Variants in LRRTM4 observed in about 807,000 individuals in gnomAD.
LRRTM4 encodes the protein leucine rich repeat transmembrane neuronal 4.
Under a neutral mutation model 47.6 loss-of-function variants are expected in LRRTM4, and 25 were observed. The ratio of observed to expected loss-of-function variants is 0.53; its 90% CI spans 0.38 to 0.73. The LOEUF (loss-of-function observed/expected upper bound fraction) is 0.73. LRRTM4 is among the 30% of genes least tolerant of loss of function. LRRTM4 has a pLI of 0.00. For synonymous variants in LRRTM4, 311 were observed against 269.5 expected, an observed-to-expected ratio of 1.15 and a Z score of -1.51; for missense variants, 638 against 713.4, an observed-to-expected ratio of 0.89 and a Z score of 1.20.
chr2:77,050,250 C>G (rs1197662201), intron 3 of LRRTM4, among the ~76,000 whole-genome samples: 1 of 151,044 alleles, frequency 6.6e-6, no homozygotes, highest in Non-Finnish European at 1.5e-5. Flanking sequence ...GATCCTTAAC[C>G]TCATATTCCT....
intron 3 of LRRTM4, among the ~76,000 whole-genome samples, chr2:77,067,706 C>CACAA: frequency 6.6e-6 from 1 of 151,596 alleles, no homozygotes; most frequent in East Asian, 1.9e-4. Context: ...CACACACACA[C>CACAA]ACACACACAC....
chr2:76,850,440 A>C (rs1020107957), intron 3 of LRRTM4, among the ~76,000 whole-genome samples: 1 of 152,194 alleles, frequency 6.6e-6, no homozygotes, highest in Non-Finnish European at 1.5e-5. Context: ...CAATTCAGTG[A>C]TGTTGAACAA....
intron 3 of LRRTM4, among the ~76,000 whole-genome samples, chr2:76,798,628 C>A (rs1455392605): frequency 1.3e-5 from 2 of 150,742 alleles, no homozygotes; most frequent in East Asian, 1.9e-4. Flanking sequence ...AATAGAGACA[C>A]AAAAAACCCT....
intron 3 of LRRTM4, among the ~76,000 whole-genome samples, chr2:76,848,756 T>A (rs1176927631): frequency 1.3e-5 from 2 of 152,160 alleles, no homozygotes; most frequent in African/African-American, 2.4e-5. Context: ...TTTCTCTGAT[T>A]AACAAATATT....
At chr2:76,957,002 G>T (rs139933314) in intron 3 of LRRTM4, among the ~76,000 whole-genome samples, 1 of 151,616 alleles carries the variant, frequency 6.6e-6, no homozygotes, top group Non-Finnish European at 1.5e-5. Flanking sequence ...ATAAACAAGA[G>T]TTAGAAACAA....
At chr2:77,058,567 C>G (rs1679684001) in intron 3 of LRRTM4, among the ~76,000 whole-genome samples, 1 of 151,862 alleles carries the variant, frequency 6.6e-6, no homozygotes, top group African/African-American at 2.4e-5. Flanking sequence ...ATTTATTCCT[C>G]TGTCCCCTTA....
intron 3 of LRRTM4, among the ~76,000 whole-genome samples, chr2:77,243,527 G>A (rs1039001019): frequency 7.4e-5 from 11 of 149,066 alleles, no homozygotes; most frequent in African/African-American, 2.0e-4. Flanking sequence ...GGTGGTTTCC[G>A]GCATCTGGGG....
chr2:77,097,174 G>A, intron 3 of LRRTM4, among the ~76,000 whole-genome samples: 1 of 151,690 alleles, frequency 6.6e-6, no homozygotes, highest in East Asian at 1.9e-4. Flanking sequence ...AATGACACCT[G>A]GAAGATATTG....
chr2:77,377,708 C>G (rs990792931), intron 3 of LRRTM4, among the ~76,000 whole-genome samples: 2 of 151,886 alleles, frequency 1.3e-5, no homozygotes, highest in Non-Finnish European at 2.9e-5. Context: ...TTATAAAATC[C>G]TTTTCTGAAT....
At chr2:77,505,371 A>G (rs1678728006) in intron 3 of LRRTM4, among the ~76,000 whole-genome samples, 1 of 151,470 alleles carries the variant, frequency 6.6e-6, no homozygotes, top group Non-Finnish European at 1.5e-5. Context: ...GTGATAAATA[A>G]GATTTTGCTA....
chr2:77,042,480 A>T (rs1167185980), intron 3 of LRRTM4, among the ~76,000 whole-genome samples: 1 of 151,700 alleles, frequency 6.6e-6, no homozygotes, highest in Non-Finnish European at 1.5e-5. Flanking sequence ...TATGAAACAT[A>T]GTATCTACTT....
intron 3 of LRRTM4, among the ~76,000 whole-genome samples, chr2:77,065,159 C>T (rs1405082110): frequency 6.6e-6 from 1 of 152,092 alleles, no homozygotes; most frequent in Non-Finnish European, 1.5e-5. Flanking sequence ...AAAATCCTTT[C>T]AAGGATTACT....
chr2:77,185,031 A>G (rs1673462248), intron 3 of LRRTM4, among the ~76,000 whole-genome samples: 1 of 152,136 alleles, frequency 6.6e-6, no homozygotes, highest in Admixed American at 6.6e-5. Flanking sequence ...TACAGCCAGG[A>G]ATGAAAATCA....
chr2:76,964,949 T>G (rs979283773), intron 3 of LRRTM4, among the ~76,000 whole-genome samples: 3 of 150,656 alleles, frequency 2.0e-5, no homozygotes, highest in African/African-American at 7.3e-5. Context: ...TTAGGTAAAA[T>G]TAATACAATT....
At chr2:76,876,737 A>G (rs1399807929) in intron 3 of LRRTM4, among the ~76,000 whole-genome samples, 1 of 152,028 alleles carries the variant, frequency 6.6e-6, no homozygotes, top group African/African-American at 2.4e-5. Flanking sequence ...TAATATATCA[A>G]CAGCTTATAT....
chr2:76,813,960 C>T (rs148818473), intron 3 of LRRTM4, among the ~76,000 whole-genome samples: 2 of 152,000 alleles, frequency 1.3e-5, no homozygotes, highest in South Asian at 2.1e-4. Flanking sequence ...TTTTATTTTC[C>T]TGTTCCTGGA....
At chr2:76,855,846 T>C (rs1363984898) in intron 3 of LRRTM4, among the ~76,000 whole-genome samples, 1 of 151,990 alleles carries the variant, frequency 6.6e-6, no homozygotes, top group East Asian at 1.9e-4. Flanking sequence ...AATAACGCTG[T>C]TATTGAAGGG....
chr2:76,774,415 C>T lies in LRRTM4; in HGVS notation c.1552-25499G>A, dbSNP rs549827001. Among the ~76,000 whole-genome samples, 20 of 152,278 alleles carry T rather than the reference C, an allele frequency of 1.3e-4. 1 individual carries two copies. The South Asian group carries it at 2.3e-3, about 17-fold the overall frequency. ...CCATGTTGGCCAGTGTGGTCTCAAT[C>T]TCCTGACCTCGTGATCTGCCTGCCT... On this transcript the variant is annotated intron_variant, in intron 3 of 3. Coordinates refer to ENST00000409884, the MANE Select transcript of LRRTM4 (RefSeq NM_001134745.3).
At chr2:77,128,395 C>CAGAT (rs59399563) in intron 3 of LRRTM4, among the ~76,000 whole-genome samples, 4,502 of 150,510 alleles carry the variant, frequency 0.03, 123 homozygotes, top group African/African-American at 0.071. Context: ...AATTCTGTAA[C>CAGAT]AGATAGATAG....
Sources: gnomAD v4.1 joint callset for allele counts (sites outside exome capture counted in the v4.1 genomes callset) on GRCh38, gnomAD v4.1.1 for gene constraint, MANE v1.5 for transcripts, NCBI Gene and HGNC (gene_info 2026-07-23, HGNC 2026-07-21) for gene names.